Variants in PHGDH observed in about 807,000 individuals in gnomAD.
PHGDH encodes the protein D-3-phosphoglycerate dehydrogenase.
Under a neutral mutation model 52.6 loss-of-function variants are expected in PHGDH, and 50 were observed. The observed-to-expected ratio is 0.95, with a 90% confidence interval of 0.76 to 1.20. The LOEUF (loss-of-function observed/expected upper bound fraction) is 1.20, where lower values mean the gene tolerates loss of function less well. Among genes scored for constraint, PHGDH ranks in the 50% most tolerant of loss-of-function variants. The pLI is 0.00. For missense variants in PHGDH, 630 were observed against 684.6 expected (o/e 0.92, Z 0.89); for synonymous variants, 271 against 280.5 (o/e 0.97, Z 0.34).
At chr1:119,742,063 C>A in intron 10 of PHGDH, 166 bp downstream of exon 10, 1 of 662,588 alleles carries the variant, frequency 1.5e-6, no homozygotes, top group Non-Finnish European at 2.7e-6. Context: ...AATGAAGATA[C>A]TGCCTGGCCC....
At chr1:119,729,182 AT>A in intron 5 of PHGDH, among the ~76,000 whole-genome samples, 1 of 152,184 alleles carries the variant, frequency 6.6e-6, no homozygotes, top group Non-Finnish European at 1.5e-5. Context: ...AGAGAGGCAG[AT>A]GTAGCCCAGC....
intron 3 of PHGDH, chr1:119,724,647 T>C (rs1382688709): frequency 2.6e-6 from 1 of 377,884 alleles, no homozygotes; most frequent in African/African-American, 2.1e-5. Flanking sequence ...ACTTCAGCTA[T>C]TACCTTCAGG....
In PHGDH at chr1:119,726,421, G is replaced by A. The variant is rs977975917; in HGVS notation, c.357-430G>A. 3.3e-5 allele frequency among the ~76,000 whole-genome samples: 5 copies of A among 152,104 alleles called. No homozygotes were observed. In the South Asian group the frequency reaches 6.2e-4, roughly 19 times the overall value. ...TGTCCTCTTCATAATAGTAGAAGACGTCATAGGTTATGGTGCTGGATGAGA... is the reference window on the plus strand; with the variant it reads ...TGTCCTCTTCATAATAGTAGAAGACATCATAGGTTATGGTGCTGGATGAGA... On this transcript the variant is annotated intron_variant, in intron 3 of 11. Coordinates refer to ENST00000641023, the MANE Select transcript of PHGDH (RefSeq NM_006623.4).
chr1:119,712,259 A>G, intron 1 of PHGDH, 99 bp downstream of exon 1: 13 of 1,031,802 alleles, frequency 1.3e-5, no homozygotes, highest in Non-Finnish European at 1.9e-5. Flanking sequence ...TGCACCCCGT[A>G]TCAATTAGTT....
intron 6 of PHGDH, 196 bp downstream of exon 6, chr1:119,734,962 G>T (rs769078331): frequency 3.0e-6 from 2 of 667,198 alleles, no homozygotes; most frequent in Non-Finnish European, 5.3e-6. Context: ...AGTGCTTGGG[G>T]TCTAGGTAAG....
chr1:119,725,068 C>T, intron 3 of PHGDH: 1 of 449,596 alleles, frequency 2.2e-6, no homozygotes, highest in South Asian at 1.6e-5. Context: ...GGCGGGGGCT[C>T]CTGAGGTGCA....
At chr1:119,717,580 C>G (rs1650989736) in intron 1 of PHGDH, among the ~76,000 whole-genome samples, 1 of 152,112 alleles carries the variant, frequency 6.6e-6, no homozygotes, top group South Asian at 2.1e-4. Flanking sequence ...AGGTAGCAAT[C>G]TATTATTTTT....
At chr1:119,726,947 C>T (rs748093778) in intron 4 of PHGDH, 42 bp downstream of exon 4, 109 of 1,606,928 alleles carry the variant, frequency 6.8e-5, no homozygotes, top group Non-Finnish European at 4.2e-5. Flanking sequence ...GCTCAGGGCC[C>T]GGGGTCCACT....
chr1:119,735,538 C>T, intron 7 of PHGDH, 95 bp downstream of exon 7: 1 of 1,246,480 alleles, frequency 8.0e-7, no homozygotes, highest in South Asian at 1.2e-5. Context: ...CAGAAAGCCT[C>T]TAGCTTATTG....
chr1:119,712,282 G>C, intron 1 of PHGDH, 122 bp downstream of exon 1: 1 of 812,274 alleles, frequency 1.2e-6, no homozygotes, highest in Non-Finnish European at 2.1e-6. Flanking sequence ...GGGGCCTCCT[G>C]AGATTGGGGG....
At position 119,735,417 on chromosome 1, in the gene PHGDH, G is replaced by A. The variant is rs768304003; in HGVS notation, c.766G>A (p.Gly256Arg). 9 of 1,613,750 alleles carry A rather than the reference G, an allele frequency of 5.6e-6. No individual in the cohort carries two copies. The highest frequency in any genetic ancestry group is 1.7e-5 in the Admixed American group (1 of 60,032). ...GGCCCTGCAGTCTGGCCAGTGTGCC[G>A]GGGCTGCACTGGACGTGTTTACGGA... Reference protein sequence around the residue: ...LRALQSGQCAGAALDVFTEEP... With the variant: ...LRALQSGQCARAALDVFTEEP... The change falls in exon 7 of 12, where the codon GGG (glycine) becomes AGG (arginine). Residue 256 changes from glycine to arginine, a missense_variant. Physicochemically the swap from Gly to Arg is moderately radical, Grantham distance 125. Transcript: ENST00000641023.
At chr1:119,736,052 T>C (rs988543866) in intron 7 of PHGDH, among the ~76,000 whole-genome samples, 3 of 152,180 alleles carry the variant, frequency 2.0e-5, no homozygotes, top group Non-Finnish European at 4.4e-5. Flanking sequence ...GTCCCCAACA[T>C]TGGAGCTTCC....
chr1:119,727,336 C>T (rs1410833668), intron 5 of PHGDH: 3 of 561,616 alleles, frequency 5.3e-6, no homozygotes, highest in African/African-American at 1.9e-5. Context: ...AGTGAATAGC[C>T]CTGAGTCCCA....
intron 1 of PHGDH, 176 bp from the exon 2 acceptor site, chr1:119,720,994 C>A: frequency 1.4e-6 from 1 of 698,660 alleles, no homozygotes; most frequent in South Asian, 1.6e-5. Context: ...CAGCATGAGT[C>A]CTAGCCCACA....
intron 1 of PHGDH, among the ~76,000 whole-genome samples, chr1:119,719,089 G>A (rs1651042952): frequency 6.6e-6 from 1 of 152,142 alleles, no homozygotes. Flanking sequence ...TCCTGTTTCT[G>A]CCTGGCTTGG....
chr1:119,740,559 G>A, intron 9 of PHGDH, 41 bp downstream of exon 9: 1 of 1,512,518 alleles, frequency 6.6e-7, no homozygotes, highest in Non-Finnish European at 9.0e-7. Context: ...AGGAGGGGAT[G>A]AGGGAGTGTG....
rs201471921 is a variant in PHGDH, at chr1:119,734,819, C to G, written c.643+53C>G. Reference sequence around the variant, plus strand: ...GTCACAGAAGCCACAGACCAGTTAACAAATGGGCCCTCCATCTGGGCCTTC... The same window carrying G: ...GTCACAGAAGCCACAGACCAGTTAAGAAATGGGCCCTCCATCTGGGCCTTC... On this transcript the variant is annotated intron_variant, in intron 6 of 11. Coordinates refer to ENST00000641023, the MANE Select transcript of PHGDH (RefSeq NM_006623.4). 2.6e-4 allele frequency: 415 copies of G among 1,595,306 alleles called. 4 individuals are homozygous for G. The South Asian group carries it at 4.3e-3, about 16-fold the overall frequency.
chr1:119,741,511 C>T (rs1235274333), intron 9 of PHGDH, among the ~76,000 whole-genome samples: 1 of 152,084 alleles, frequency 6.6e-6, no homozygotes, highest in Non-Finnish European at 1.5e-5. Context: ...GGTTGGGGAG[C>T]GGAGTGGAGT....
chr1:119,734,490 T>C (rs1557976639), intron 5 of PHGDH, 144 bp from the exon 6 acceptor site: 8 of 796,962 alleles, frequency 1.0e-5, no homozygotes, highest in Non-Finnish European at 1.6e-5. Context: ...GTACTTAGTG[T>C]ATGGTAAATT....
Sources: allele counts gnomAD v4.1 joint callset (sites outside exome capture counted in the v4.1 genomes callset), GRCh38; gene constraint gnomAD v4.1.1; transcripts MANE v1.5; gene names NCBI Gene and HGNC (gene_info 2026-07-23, HGNC 2026-07-21).